The following SERINC5 variants were observed in gnomAD, a reference collection of about 807,000 sequenced individuals.
SERINC5 encodes the protein chromosome 5 open reading frame 12.
Under a neutral mutation model 63.1 loss-of-function variants are expected in SERINC5, and 41 were observed. The observed-to-expected ratio is 0.65, with a 90% CI of 0.51 to 0.84. The LOEUF is 0.84. SERINC5 is among the 40% of genes least tolerant of loss of function. The probability of loss-of-function intolerance (pLI) is 0.00; values close to 1 mark genes in which losing one functional copy is unlikely to be tolerated. For missense variants in SERINC5, 523 were observed against 573.0 expected (o/e 0.91, Z 0.89); for synonymous variants, 222 against 215.2 (o/e 1.03, Z -0.28).
intron 2 of SERINC5, among the ~76,000 whole-genome samples, chr5:80,201,511 T>C (rs10055147): frequency 0.15 from 23,037 of 152,206 alleles, 1,903 homozygotes; most frequent in African/African-American, 0.2. Context: ...CCTGAAGATA[T>C]GAACCACAGA....
intron 1 of SERINC5, among the ~76,000 whole-genome samples, chr5:80,205,151 T>C (rs1000439872): frequency 1.3e-5 from 2 of 152,166 alleles, no homozygotes; most frequent in African/African-American, 4.8e-5. Flanking sequence ...TAAGGGAACT[T>C]AGGCAAACAG....
intron 8 of SERINC5, among the ~76,000 whole-genome samples, chr5:80,152,109 A>G (rs1367781055): frequency 1.3e-5 from 2 of 152,208 alleles, no homozygotes; most frequent in Non-Finnish European, 2.9e-5. Flanking sequence ...ATCCAGGCCC[A>G]TGCCACTCCA....
chr5:80,112,270 A>T (rs1264306024), intron 12 of SERINC5, among the ~76,000 whole-genome samples: 2 of 152,186 alleles, frequency 1.3e-5, no homozygotes, highest in Non-Finnish European at 2.9e-5. Context: ...ATTATTCTTT[A>T]TTCTGTTATT....
In SERINC5 at chr5:80,177,272, G is replaced by A. The variant is rs770120339; in HGVS notation, c.457+43C>T. The stretch of plus-strand genomic sequence containing the variant: ...GCTTCTGAGCAATTTGACAAAATGG[G>A]TAAAAACAAAATAAACAGATACCCA... On this transcript the variant is annotated intron_variant, in intron 4 of 11. Transcript: ENST00000507668. The A allele has an allele frequency of 9.8e-6, 14 of 1,431,184 alleles. No homozygotes were observed. The Admixed American group carries it at 2.6e-4, about 27-fold the overall frequency. 88.7% of individuals were successfully genotyped at this position (1,431,184 alleles called of 1,614,324 possible).
chr5:80,241,266 CG>C (rs1751928830), intron 1 of SERINC5, among the ~76,000 whole-genome samples: 1 of 151,614 alleles, frequency 6.6e-6, no homozygotes, highest in South Asian at 2.1e-4. Flanking sequence ...GTCAGGAGAT[CG>C]AGACCATCCT....
intron 1 of SERINC5, among the ~76,000 whole-genome samples, chr5:80,235,929 C>T (rs1452733373): frequency 3.9e-5 from 6 of 152,154 alleles, no homozygotes; most frequent in South Asian, 2.1e-4. Context: ...CCCTGTTCTA[C>T]GAATAACTGT....
chr5:80,138,943 T>G lies in SERINC5; in HGVS notation c.*4720A>C. 3.1e-6 allele frequency: 3 copies of G among 975,266 alleles called. No homozygotes were observed. Among genetic ancestry groups the G allele is most frequent in the South Asian group, 9.5e-5 (2 of 21,072 alleles). 60.4% of individuals were successfully genotyped at this position (975,266 alleles called of 1,614,324 possible). A position where few individuals can be genotyped will look rare whatever the true frequency, so the allele number is the denominator to read the frequency against. On this transcript the variant is annotated 3_prime_UTR_variant, in exon 12 of 12. Transcript: ENST00000507668. ...TACAGAGTTAACAAGTTTTGAGTTT[T>G]TTATATAGGAAAAGCCTAGTCAATT...
chr5:80,159,025 C>A, intron 7 of SERINC5, 63 bp from the exon 8 acceptor site: 6 of 1,587,034 alleles, frequency 3.8e-6, no homozygotes, highest in Non-Finnish European at 5.2e-6. Context: ...CGCACAGAAG[C>A]ACTCATTTTG....
At chr5:80,154,209 C>T (rs1218323156) in intron 8 of SERINC5, among the ~76,000 whole-genome samples, 1 of 151,486 alleles carries the variant, frequency 6.6e-6, no homozygotes, top group Non-Finnish European at 1.5e-5. Flanking sequence ...GATGGAGTTT[C>T]ACTCTTTTTG....
chr5:80,173,334 G>A (rs1475325689), intron 5 of SERINC5, among the ~76,000 whole-genome samples: 5 of 152,094 alleles, frequency 3.3e-5, no homozygotes, highest in Non-Finnish European at 7.4e-5. Flanking sequence ...AGTGGCTCAC[G>A]CCTGTAATCC....
At chr5:80,239,824 G>A (rs1751871679) in intron 1 of SERINC5, among the ~76,000 whole-genome samples, 1 of 152,150 alleles carries the variant, frequency 6.6e-6, no homozygotes, top group Non-Finnish European at 1.5e-5. Flanking sequence ...AAGATAGGAA[G>A]TTCCTGCCTC....
At position 80,140,372 on chromosome 5, in the gene SERINC5, AC is replaced by A; in HGVS notation, c.*3290del. 1 of 983,942 alleles carries A rather than the reference AC, an allele frequency of 1.0e-6. No homozygotes were observed. The highest frequency in any genetic ancestry group is 1.2e-6 in the Non-Finnish European group (1 of 829,458). The allele number at this position is 983,942 out of a possible 1,614,324, so 61.0% of individuals were successfully genotyped here. On this transcript the variant is annotated 3_prime_UTR_variant, in exon 12 of 12. Coordinates refer to ENST00000507668, the MANE Select transcript of SERINC5 (RefSeq NM_001174072.3). ...ATTTTGACATGGGGACAGGAAATTA[AC>A]ATTACACTGAGGTTATTCATAATAA...
chr5:80,169,311 A>G (rs370049912), intron 6 of SERINC5, 24 bp downstream of exon 6: 2 of 1,599,068 alleles, frequency 1.3e-6, no homozygotes, highest in African/African-American at 2.7e-5. Flanking sequence ...ATAAGTAACG[A>G]AGAATGGAAA....
intron 5 of SERINC5, among the ~76,000 whole-genome samples, chr5:80,173,264 AGG>A (rs1327826106): frequency 7.3e-5 from 11 of 150,980 alleles, no homozygotes; most frequent in African/African-American, 2.7e-4. Flanking sequence ...GAAGGAAGGA[AGG>A]AAGGAAGGAA....
intron 1 of SERINC5, among the ~76,000 whole-genome samples, chr5:80,249,245 G>T (rs1037216344): frequency 6.6e-6 from 1 of 151,752 alleles, no homozygotes; most frequent in Non-Finnish European, 1.5e-5. Flanking sequence ...AACCTGGGAG[G>T]CGGAGCTTGC....
At chr5:80,206,938 A>G (rs1342890702) in intron 1 of SERINC5, among the ~76,000 whole-genome samples, 1 of 149,658 alleles carries the variant, frequency 6.7e-6, no homozygotes, top group African/African-American at 2.5e-5. Flanking sequence ...ACACCATGAT[A>G]CCATGCCTGG....
chr5:80,255,923 C>G lies in SERINC5; in HGVS notation c.-1G>C. ...GGCCCGCACAGCACTGAGCTGACAT[C>G]GCGGCGGCCAATGCCGAAGGCGCGC... On this transcript the variant is annotated 5_prime_UTR_variant, in exon 1 of 12. Transcript: ENST00000507668. The G allele has an allele frequency of 6.4e-7, 1 of 1,561,582 alleles. No individual in the cohort carries two copies. Among genetic ancestry groups the G allele is most frequent in the African/African-American group, 1.4e-5 (1 of 70,962 alleles).
At chr5:80,221,981 C>T (rs1750924572) in intron 1 of SERINC5, among the ~76,000 whole-genome samples, 1 of 151,758 alleles carries the variant, frequency 6.6e-6, no homozygotes, top group African/African-American at 2.4e-5. Flanking sequence ...ATCAGCTCTA[C>T]AAAAAAATTT....
chr5:80,203,133 C>T (rs1052281751), intron 1 of SERINC5, 80 bp from the exon 2 acceptor site: 3 of 1,363,496 alleles, frequency 2.2e-6, no homozygotes, highest in South Asian at 1.3e-5. Context: ...CTGTGGTACA[C>T]ATCTGGAGTC....
Sources: allele counts gnomAD v4.1 joint callset (sites outside exome capture counted in the v4.1 genomes callset), GRCh38; gene constraint gnomAD v4.1.1; transcripts MANE v1.5; gene names NCBI Gene and HGNC (gene_info 2026-07-23, HGNC 2026-07-21).